ANPEP: variants seen among roughly 807,000 people sequenced by gnomAD.
ANPEP encodes aminopeptidase N.
ANPEP carries 70 observed loss-of-function variants against 114.6 expected under a neutral mutation model. That is an observed-to-expected ratio of 0.61 (90% CI 0.50 to 0.75). The LOEUF (loss-of-function observed/expected upper bound fraction) is 0.75, where lower values mean the gene tolerates loss of function less well. Ranked by LOEUF, ANPEP falls within the 30% of genes least tolerant of loss-of-function variation. The probability of loss-of-function intolerance (pLI) is 0.00; values close to 1 mark genes in which losing one functional copy is unlikely to be tolerated. For missense variants in ANPEP, 1,184 were observed against 1,259.5 expected, an observed-to-expected ratio of 0.94 and a Z score of 0.91; for synonymous variants, 548 against 522.3, an observed-to-expected ratio of 1.05 and a Z score of -0.67.
At chr15:89,790,062 A>T (rs1968588042) in intron 20 of ANPEP, among the ~76,000 whole-genome samples, 2 of 118,482 alleles carry the variant, frequency 1.7e-5, no homozygotes, top group Non-Finnish European at 3.6e-5. Flanking sequence ...CCATCTCAAA[A>T]AAAAAATAAA....
At position 89,785,446 on chromosome 15, in the gene ANPEP, G is replaced by C. The variant is rs747191421; in HGVS notation, c.2807C>G (p.Ala936Gly). 22 of 1,613,988 alleles carry C rather than the reference G, an allele frequency of 1.4e-5. No individual in the cohort carries two copies. The highest frequency in any genetic ancestry group is 1.6e-4 in the Middle Eastern group (1 of 6,082). The change falls in exon 21 of 21, where the codon GCC (alanine) becomes GGC (glycine). Residue 936 changes from alanine to glycine, a missense_variant. Physicochemically the swap from Ala to Gly is moderately conservative, Grantham distance 60 (BLOSUM62 0). Transcript: ENST00000300060. ...EETGFGSGTR[A>G]LEQALEKTKA... ...CGTCTTCTCCAGGGCTTGCTCCAGG[G>C]CCCGGGTGCCTGAGCCGAAGCCTGT...
At chr15:89,802,230 G>A (rs1484809818) in intron 10 of ANPEP, among the ~76,000 whole-genome samples, 4 of 152,156 alleles carry the variant, frequency 2.6e-5, no homozygotes, top group African/African-American at 9.7e-5. Flanking sequence ...GCTGCCGGCC[G>A]AGGGTCTCAG....
chr15:89,808,906 C>T (rs913531060), intron 1 of ANPEP, among the ~76,000 whole-genome samples: 6 of 152,286 alleles, frequency 3.9e-5, no homozygotes, highest in African/African-American at 9.6e-5. Flanking sequence ...GTATGGAGGC[C>T]GAGTCTGAGC....
chr15:89,792,471 C>G lies in ANPEP; in HGVS notation c.2341G>C (p.Glu781Gln), dbSNP rs149334449. 107 of 1,614,116 alleles carry G rather than the reference C, an allele frequency of 6.6e-5. 2 individuals carry two copies. The African/African-American group carries it at 1.2e-3, about 18-fold the overall frequency. Residue 781 changes from glutamate (E) to glutamine (Q), a missense_variant, in exon 17 of 21, where the codon GAG becomes CAG. By Grantham distance (29) the Glu-to-Gln change is conservative. Transcript: ENST00000300060. ...MVSGLFKQWM[E>Q]NPNNNPIHPN... is the part of the protein sequence containing the mutation. ...ACTCACGGGTTATTATTGGGGTTCTCCATCCACTGCTTGAAAAGGCCAGAG... is the reference window on the plus strand; with the variant it reads ...ACTCACGGGTTATTATTGGGGTTCTGCATCCACTGCTTGAAAAGGCCAGAG...
At chr15:89,787,316 A>C (rs1968526179) in intron 20 of ANPEP, among the ~76,000 whole-genome samples, 1 of 152,204 alleles carries the variant, frequency 6.6e-6, no homozygotes, top group Non-Finnish European at 1.5e-5. Flanking sequence ...AAGTGCTGGG[A>C]TTACAGGCGT....
In ANPEP at chr15:89,813,991, T is replaced by TGGA. The variant is rs1555442936; in HGVS notation, c.-224+780_-224+781insTCC. On this transcript the variant is annotated intron_variant, in intron 1 of 20. Transcript: ENST00000300060. ...GGGCCGTCCCTGCCCACCGCACTGCTGGGGGGGGGGGGTGCGTTCTGGAGT... is the reference window on the plus strand; with the variant it reads ...GGGCCGTCCCTGCCCACCGCACTGCTGGAGGGGGGGGGGGGTGCGTTCTGGAGT... Among the ~76,000 whole-genome samples, 3 of 111,710 alleles carry TGGA rather than the reference T, an allele frequency of 2.7e-5. 1 individual carries two copies. The highest frequency in any genetic ancestry group is 1.3e-4 in the African/African-American group (3 of 23,380). The allele number at this position is 111,710 out of a possible 152,430, so 73.3% of individuals were successfully genotyped here.
intron 12 of ANPEP, among the ~76,000 whole-genome samples, chr15:89,800,577 T>G (rs1596166185): frequency 6.6e-6 from 1 of 150,578 alleles, no homozygotes; most frequent in Admixed American, 6.6e-5. Context: ...TTTTTTTTTT[T>G]TGAGACAGAG....
At chr15:89,794,544 A>G (rs1428590673) in intron 15 of ANPEP, among the ~76,000 whole-genome samples, 2 of 150,256 alleles carry the variant, frequency 1.3e-5, no homozygotes, top group African/African-American at 4.8e-5. Context: ...AGCAAGGGAC[A>G]GAGGGGAGGT....
At chr15:89,809,068 C>T (rs1379060109) in intron 1 of ANPEP, among the ~76,000 whole-genome samples, 1 of 152,132 alleles carries the variant, frequency 6.6e-6, no homozygotes, top group Non-Finnish European at 1.5e-5. Context: ...GGTGATGACC[C>T]CAAGGGGCAA....
Position 89,805,072 on chromosome 15 carries a change from T to G in ANPEP, c.897+6A>C, listed in dbSNP as rs746255178. ...ACGTGAAGGAGAGATGGGCCCAGCC[T>G]CATACCAAGACACCATTGGATGCCT... On this transcript the variant is annotated splice_donor_region_variant and intron_variant, in intron 4 of 20. Transcript: ENST00000300060. 2 of 1,614,072 alleles carry G rather than the reference T, an allele frequency of 1.2e-6. No homozygotes were observed. The highest frequency in any genetic ancestry group is 1.3e-5 in the African/African-American group (1 of 74,924).
intron 16 of ANPEP, 124 bp downstream of exon 16, chr15:89,792,911 G>A (rs956307129): frequency 1.2e-6 from 1 of 855,488 alleles, no homozygotes; most frequent in African/African-American, 1.7e-5. Flanking sequence ...CCTGCTCCTG[G>A]GTGGGGGTCT....
rs749127105 is a variant in ANPEP, at chr15:89,803,712, G to T, written c.1372C>A (p.Pro458Thr). 6.2e-7 allele frequency: 1 copy of T among 1,612,784 alleles called. No homozygotes were observed. The highest frequency in any genetic ancestry group is 8.5e-7 in the Non-Finnish European group (1 of 1,179,484). Residue 458 changes from proline to threonine, a missense_variant, in exon 8 of 21, where the codon CCC becomes ACC. Transcript: ENST00000300060. The surrounding 1 kb of genome is among the most constrained non-coding windows in gnomAD (Gnocchi z 4.2). ...ALASSHPLST[P>T]ASEINTPAQI... ...GCCGGCGTGTTGATCTCCGAGGCGG[G>T]TGTGGACAGCGGGTGGGAGGAGGCC...
rs1968490423 is a variant in ANPEP, at chr15:89,785,460, G to T, written c.2793C>A (p.Gly931=). Residue 931 remains glycine, a synonymous_variant, in exon 21 of 21, where the codon GGC becomes GGA. Transcript: ENST00000300060. ...FKKDNEETGF[G]SGTRALEQAL... is the part of the protein sequence containing the mutation. ...CTTGCTCCAGGGCCCGGGTGCCTGAGCCGAAGCCTGTTTCCTCGTTGTCCT... is the reference window on the plus strand; with the variant it reads ...CTTGCTCCAGGGCCCGGGTGCCTGATCCGAAGCCTGTTTCCTCGTTGTCCT... 1.2e-6 allele frequency: 2 copies of T among 1,614,106 alleles called. No homozygotes were observed. Among genetic ancestry groups the T allele is most frequent in the Non-Finnish European group, 1.7e-6 (2 of 1,179,944 alleles).
At chr15:89,802,772 G>C (rs933146703) in intron 10 of ANPEP, 5 of 191,512 alleles carry the variant, frequency 2.6e-5, no homozygotes, top group Non-Finnish European at 5.5e-5. Context: ...GCTGTGCGGG[G>C]TCTGATGGAG....
At chr15:89,798,157 A>C (rs1968765863) in intron 14 of ANPEP, among the ~76,000 whole-genome samples, 1 of 152,198 alleles carries the variant, frequency 6.6e-6, no homozygotes, top group Non-Finnish European at 1.5e-5. Flanking sequence ...CCTTCTGTAC[A>C]CATTTAGCTC....
At position 89,804,544 on chromosome 15, in the gene ANPEP, A is replaced by G; in HGVS notation, c.971T>C (p.Ile324Thr). The G allele has an allele frequency of 6.2e-7, 1 of 1,614,168 alleles. No homozygotes were observed. Among genetic ancestry groups the G allele is most frequent in the Middle Eastern group, 1.6e-4 (1 of 6,062 alleles). The change falls in exon 5 of 21, where the codon ATC (isoleucine) becomes ACC (threonine). Residue 324 changes from isoleucine (I) to threonine (T), a missense_variant. Physicochemically the swap from Ile to Thr is moderately conservative, Grantham distance 89. Transcript: ENST00000300060. ...ATAATGACCAGCAAAGAAGTTAAGG[A>G]TGGGGCCCGTCACGTTCAGGGCATA... is the stretch of plus-strand genomic sequence containing the variant. The part of the protein sequence containing the change: ...GDYALNVTGP[I>T]LNFFAGHYDT...
chr15:89,811,948 G>A (rs931341040), intron 1 of ANPEP, among the ~76,000 whole-genome samples: 5 of 152,218 alleles, frequency 3.3e-5, no homozygotes, highest in Non-Finnish European at 7.3e-5. Flanking sequence ...TCCAGAAAAC[G>A]TAAGTTCTTC....
At position 89,785,481 on chromosome 15, in the gene ANPEP, G is replaced by A; in HGVS notation, c.2772C>T (p.Asp924=). 2 of 1,614,028 alleles carry A rather than the reference G, an allele frequency of 1.2e-6. No homozygotes were observed. Among genetic ancestry groups the A allele is most frequent in the South Asian group, 1.1e-5 (1 of 91,078 alleles). The change falls in exon 21 of 21, where the codon GAC becomes GAT. Residue 924 remains aspartate, a synonymous_variant. Transcript: ENST00000300060. ...ELQQLEQFKK[D]NEETGFGSGT... is the part of the protein sequence containing the mutation. ...CTGAGCCGAAGCCTGTTTCCTCGTT[G>A]TCCTTCTTGAACTGCTCCAGCTGCC...
At chr15:89,812,999 AG>A (rs1202088041) in intron 1 of ANPEP, among the ~76,000 whole-genome samples, 4 of 152,122 alleles carry the variant, frequency 2.6e-5, no homozygotes, top group Non-Finnish European at 4.4e-5. Context: ...TTCCAGACAC[AG>A]GCCTGTGGAG....
Sources: gnomAD v4.1 joint callset for allele counts (sites outside exome capture counted in the v4.1 genomes callset) on GRCh38, gnomAD v4.1.1 for gene constraint, Gnocchi (gnomAD v3.1) non-coding constraint, MANE v1.5 for transcripts, NCBI Gene and HGNC (gene_info 2026-07-23, HGNC 2026-07-21) for gene names.